Variants in RBMS3 observed in about 807,000 individuals in gnomAD.
RBMS3 encodes the protein RNA-binding motif, single-stranded-interacting protein 3.
In RBMS3, 27 loss-of-function variants were observed where a neutral mutation model predicts 66.8. The ratio of observed to expected loss-of-function variants is 0.40; its 90% CI spans 0.30 to 0.56. The LOEUF is 0.56. Among genes scored for constraint, RBMS3 ranks in the 20% least tolerant of loss-of-function variants. The pLI is 0.40. For synonymous variants in RBMS3, 188 were observed against 183.0 expected, an observed-to-expected ratio of 1.03 and a Z score of -0.22; for missense variants, 513 against 549.5, an observed-to-expected ratio of 0.93 and a Z score of 0.66.
chr3:29,574,443 T>G (rs1325779832), intron 3 of RBMS3, among the ~76,000 whole-genome samples: 1 of 152,086 alleles, frequency 6.6e-6, no homozygotes. Context: ...TTATTTTCAG[T>G]CTGTGGGTCT....
chr3:29,361,397 G>A (rs183392095), intron 1 of RBMS3, among the ~76,000 whole-genome samples: 1 of 152,314 alleles, frequency 6.6e-6, no homozygotes, highest in African/African-American at 2.4e-5. Flanking sequence ...CTGGCTTGTA[G>A]AGTTTCTGCT....
intron 4 of RBMS3, among the ~76,000 whole-genome samples, chr3:29,650,624 G>A (rs902553863): frequency 6.6e-6 from 1 of 152,078 alleles, no homozygotes; most frequent in African/African-American, 2.4e-5. Context: ...TGAAGAGATA[G>A]GTTCATTGTG....
At chr3:29,361,146 T>C (rs1052626384) in intron 1 of RBMS3, among the ~76,000 whole-genome samples, 1 of 152,112 alleles carries the variant, frequency 6.6e-6, no homozygotes, top group African/African-American at 2.4e-5. Context: ...CTAGCATCAA[T>C]AGTCTTTACA....
intron 3 of RBMS3, among the ~76,000 whole-genome samples, chr3:29,505,414 A>G (rs2148945041): frequency 6.6e-6 from 1 of 151,216 alleles, no homozygotes; most frequent in Non-Finnish European, 1.5e-5. Context: ...CCACTGATCT[A>G]TGTAATAGTT....
At chr3:29,746,384 A>G (rs2054892169) in intron 5 of RBMS3, among the ~76,000 whole-genome samples, 1 of 152,230 alleles carries the variant, frequency 6.6e-6, no homozygotes, top group Non-Finnish European at 1.5e-5. Context: ...AAACTTAGTG[A>G]TTAGTAATCT....
chr3:29,931,439 T>A (rs953082725), intron 10 of RBMS3, among the ~76,000 whole-genome samples: 7 of 152,192 alleles, frequency 4.6e-5, no homozygotes, highest in Admixed American at 2.6e-4. Flanking sequence ...GCTTACAAAG[T>A]TAAAGGCTAC....
At chr3:29,819,517 A>T (rs1331055520) in intron 6 of RBMS3, among the ~76,000 whole-genome samples, 1 of 152,180 alleles carries the variant, frequency 6.6e-6, no homozygotes, top group African/African-American at 2.4e-5. Context: ...ATTTTAGCAA[A>T]TTTTTAATTG....
At chr3:29,933,085 C>T (rs973764785) in intron 10 of RBMS3, among the ~76,000 whole-genome samples, 1 of 152,180 alleles carries the variant, frequency 6.6e-6, no homozygotes, top group Admixed American at 6.6e-5. Context: ...TCTGTTTCTT[C>T]TTGCTTTGCC....
intron 3 of RBMS3, among the ~76,000 whole-genome samples, chr3:29,559,001 A>T (rs1306091861): frequency 6.6e-6 from 1 of 152,204 alleles, no homozygotes; most frequent in Non-Finnish European, 1.5e-5. Context: ...TAAAAATCAC[A>T]ATCACACAAT....
intron 4 of RBMS3, among the ~76,000 whole-genome samples, chr3:29,655,796 A>C (rs2050304501): frequency 6.6e-6 from 1 of 152,194 alleles, no homozygotes; most frequent in South Asian, 2.1e-4. Flanking sequence ...GCATTATTAC[A>C]GAGATGATAG....
intron 2 of RBMS3, among the ~76,000 whole-genome samples, chr3:29,442,955 C>G (rs1200719247): frequency 6.6e-6 from 1 of 152,066 alleles, no homozygotes; most frequent in African/African-American, 2.4e-5. Flanking sequence ...TATAAACTGT[C>G]TGCTCTTTAT....
intron 3 of RBMS3, among the ~76,000 whole-genome samples, chr3:29,543,136 A>G (rs1000350299): frequency 9.2e-5 from 14 of 152,170 alleles, no homozygotes; most frequent in Non-Finnish European, 1.5e-4. Context: ...TTTGACCTCC[A>G]AGAGACATTT....
intron 13 of RBMS3, among the ~76,000 whole-genome samples, chr3:29,988,599 G>T (rs949794497): frequency 6.6e-6 from 1 of 152,118 alleles, no homozygotes; most frequent in Non-Finnish European, 1.5e-5. Context: ...TCCTAGACCA[G>T]CATCATTGGT....
chr3:29,661,469 A>G (rs1186499734), intron 4 of RBMS3, among the ~76,000 whole-genome samples: 1 of 151,994 alleles, frequency 6.6e-6, no homozygotes, highest in Non-Finnish European at 1.5e-5. Context: ...TTTTTGATAG[A>G]TCTCATTGCA....
intron 12 of RBMS3, among the ~76,000 whole-genome samples, chr3:29,976,564 A>T (rs1206506855): frequency 6.6e-6 from 1 of 152,098 alleles, no homozygotes; most frequent in Non-Finnish European, 1.5e-5. Flanking sequence ...ACTGAACAGT[A>T]GGGGTCCAGG....
chr3:29,409,977 A>G (rs958205661), intron 1 of RBMS3, among the ~76,000 whole-genome samples: 1 of 152,096 alleles, frequency 6.6e-6, no homozygotes, highest in Admixed American at 6.6e-5. Context: ...GGGAATGTTC[A>G]CATTGGTTTT....
chr3:29,910,524 G>T (rs937734255), intron 10 of RBMS3, among the ~76,000 whole-genome samples: 8 of 151,962 alleles, frequency 5.3e-5, no homozygotes, highest in Admixed American at 4.6e-4. Context: ...TATTATTTTT[G>T]ATTTCTTACT....
intron 7 of RBMS3, among the ~76,000 whole-genome samples, chr3:29,880,569 G>T (rs1322008460): frequency 6.6e-6 from 1 of 152,136 alleles, no homozygotes; most frequent in Non-Finnish European, 1.5e-5. Context: ...TGCAAAGTTT[G>T]CATTAAGACC....
intron 4 of RBMS3, among the ~76,000 whole-genome samples, chr3:29,626,696 G>A (rs956730107): frequency 4.6e-5 from 7 of 151,744 alleles, no homozygotes; most frequent in African/African-American, 1.7e-4. Context: ...CCTGCATATC[G>A]GCAGGATAGA....
Sources: gnomAD v4.1 joint callset for allele counts (sites outside exome capture counted in the v4.1 genomes callset) on GRCh38, gnomAD v4.1.1 for gene constraint, MANE v1.5 for transcripts, NCBI Gene and HGNC (gene_info 2026-07-23, HGNC 2026-07-21) for gene names.